The following RAB27B variants were observed in gnomAD, a reference collection of about 807,000 sequenced individuals.
RAB27B encodes the protein ras-related protein Rab-27B.
In RAB27B, 15 loss-of-function variants were observed where a neutral mutation model predicts 24.6. The ratio of observed to expected loss-of-function variants is 0.61; its 90% CI spans 0.41 to 0.94. RAB27B has a LOEUF of 0.94. Among genes scored for constraint, RAB27B ranks in the 40% least tolerant of loss-of-function variants. The probability of loss-of-function intolerance (pLI) is 0.00; values close to 1 mark genes in which losing one functional copy is unlikely to be tolerated. For synonymous variants in RAB27B, 105 were observed against 92.5 expected (o/e 1.14, Z -0.78); for missense variants, 261 against 266.8 (o/e 0.98, Z 0.15).
At chr18:54,774,451 G>A (rs1908653106) in intron 2 of RAB27B, among the ~76,000 whole-genome samples, 1 of 152,172 alleles carries the variant, frequency 6.6e-6, no homozygotes, top group South Asian at 2.1e-4. Flanking sequence ...AGGTTACATG[G>A]TTTTCAGGGT....
At position 54,780,325 on chromosome 18, in the gene RAB27B, C is replaced by CA. The variant is rs1568063071; in HGVS notation, c.-20+62184_-20+62185insA. On this transcript the variant is annotated intron_variant, in intron 2 of 4. Coordinates refer to the RAB27B transcript ENST00000586570. The stretch of plus-strand genomic sequence containing the variant: ...AGTGTCTCCCCCAACCTGAAGGCTT[C>CA]GCCTCACCGTGTCTCCCCTCTCCTG... 3.7e-4 allele frequency among the ~76,000 whole-genome samples: 4 copies of CA among 10,856 alleles called. 1 individual carries two copies. Among genetic ancestry groups the CA allele is most frequent in the African/African-American group, 9.2e-4 (3 of 3,258 alleles). The allele number at this position is 10,856 out of a possible 152,430, so 7.1% of individuals were successfully genotyped here. A position where few individuals can be genotyped will look rare whatever the true frequency, so the allele number is the denominator to read the frequency against.
intron 2 of RAB27B, 58 bp downstream of exon 2, chr18:54,877,796 T>C (rs1912767507): frequency 1.3e-6 from 2 of 1,483,660 alleles, no homozygotes; most frequent in South Asian, 1.4e-5. Flanking sequence ...AAAATAAGAA[T>C]CAAGAAGCTA....
chr18:54,767,383 A>G (rs574228912), intron 2 of RAB27B, among the ~76,000 whole-genome samples: 2 of 151,312 alleles, frequency 1.3e-5, no homozygotes, highest in South Asian at 4.2e-4. Context: ...TAAAGGTCAT[A>G]GTATAGTTAT....
intron 2 of RAB27B, among the ~76,000 whole-genome samples, chr18:54,752,214 A>T (rs188799773): frequency 2.6e-5 from 4 of 152,148 alleles, no homozygotes. Context: ...ATAATTTTCT[A>T]TATATGGGCA....
chr18:54,846,448 A>G (rs1417234952), intron 1 of RAB27B, among the ~76,000 whole-genome samples: 1 of 152,242 alleles, frequency 6.6e-6, no homozygotes, highest in Non-Finnish European at 1.5e-5. Flanking sequence ...AATGAACTCT[A>G]TTTATCTCCT....
intron 2 of RAB27B, among the ~76,000 whole-genome samples, chr18:54,752,041 C>G (rs1212993158): frequency 2.0e-5 from 3 of 152,098 alleles, no homozygotes; most frequent in African/African-American, 7.2e-5. Context: ...TAGTTCTTCC[C>G]GTCACAGAAG....
intron 2 of RAB27B, among the ~76,000 whole-genome samples, chr18:54,782,184 C>A (rs2145093815): frequency 6.6e-6 from 1 of 152,318 alleles, no homozygotes. Context: ...ATATCCTGCA[C>A]AATGTGCAGT....
At chr18:54,790,029 C>T (rs1464886103) in intron 2 of RAB27B, among the ~76,000 whole-genome samples, 3 of 151,996 alleles carry the variant, frequency 2.0e-5, no homozygotes, top group Non-Finnish European at 4.4e-5. Context: ...TTAGTCACAG[C>T]TTAACATGAG....
intron 2 of RAB27B, among the ~76,000 whole-genome samples, chr18:54,784,777 T>C (rs1254442015): frequency 6.6e-6 from 1 of 152,236 alleles, no homozygotes; most frequent in Non-Finnish European, 1.5e-5. Context: ...AGTGAACATA[T>C]GAATGCAGGT....
intron 2 of RAB27B, among the ~76,000 whole-genome samples, chr18:54,756,809 C>T (rs769581257): frequency 6.6e-6 from 1 of 152,138 alleles, no homozygotes; most frequent in Non-Finnish European, 1.5e-5. Flanking sequence ...TGAGAAACTT[C>T]ATTTGACTTA....
At chr18:54,793,675 A>T (rs765274675) in intron 2 of RAB27B, among the ~76,000 whole-genome samples, 3 of 152,210 alleles carry the variant, frequency 2.0e-5, no homozygotes, top group Non-Finnish European at 4.4e-5. Flanking sequence ...CTCGTGTTGC[A>T]TGTTGGGCTG....
chr18:54,855,066 G>T (rs1029998959), intron 1 of RAB27B, among the ~76,000 whole-genome samples: 1 of 152,106 alleles, frequency 6.6e-6, no homozygotes, highest in Non-Finnish European at 1.5e-5. Context: ...CCCGCAACTG[G>T]ACTGTCCCAT....
intron 2 of RAB27B, among the ~76,000 whole-genome samples, chr18:54,810,869 TAAATA>T (rs1909940873): frequency 1.4e-5 from 2 of 147,864 alleles, no homozygotes; most frequent in Admixed American, 1.4e-4. Context: ...AATAAATAAA[TAAATA>T]AATAAATAAG....
rs907417217 is a variant in RAB27B at position 54,893,896 on chromosome 18, G to GT, written c.*4484dup. 6.6e-6 allele frequency: 1 copy of GT among 151,884 alleles called. No homozygotes were observed. The highest frequency in any genetic ancestry group is 6.6e-5 in the Admixed American group (1 of 15,208). 9.4% of individuals were successfully genotyped at this position (151,884 alleles called of 1,614,324 possible). A position where few individuals can be genotyped will look rare whatever the true frequency, so the allele number is the denominator to read the frequency against. ...TTGAGTCCGAATAAAGAAAGACCTA[G>GT]TAACAGATAGTTTTTTTTTGTTCAT... On this transcript the variant is annotated 3_prime_UTR_variant, in exon 6 of 6. Transcript: ENST00000262094.
intron 1 of RAB27B, among the ~76,000 whole-genome samples, chr18:54,868,368 G>C (rs1912325765): frequency 6.6e-6 from 1 of 152,058 alleles, no homozygotes; most frequent in African/African-American, 2.4e-5. Flanking sequence ...TCTTCCTGAG[G>C]CCTCCCCAGA....
At chr18:54,775,550 T>C (rs1017790142) in intron 2 of RAB27B, among the ~76,000 whole-genome samples, 11 of 152,204 alleles carry the variant, frequency 7.2e-5, no homozygotes, top group Non-Finnish European at 1.5e-4. Flanking sequence ...ATGCCACTAA[T>C]GTATATGTAC....
chr18:54,887,333 G>A (rs1051062998), intron 4 of RAB27B, among the ~76,000 whole-genome samples: 3 of 151,712 alleles, frequency 2.0e-5, no homozygotes, highest in Admixed American at 1.3e-4. Context: ...AAGCAGTTAT[G>A]GCCATCTCAG....
intron 2 of RAB27B, among the ~76,000 whole-genome samples, chr18:54,756,778 G>A (rs1433383823): frequency 4.6e-5 from 7 of 152,134 alleles, no homozygotes; most frequent in African/African-American, 1.7e-4. Context: ...ACAGATACAG[G>A]AATACATTAC....
rs12967389 is a variant in RAB27B at position 54,849,581 on chromosome 18, C to T, written c.-20+20881C>T. ...CTAAAAAATATAAAAATTAGCCAGA[C>T]GTGGTGGCATGCTTCTGTAATTCCA... On this transcript the variant is annotated intron_variant, in intron 1 of 5. Coordinates refer to ENST00000262094, the MANE Select transcript of RAB27B (RefSeq NM_004163.4). 9.2e-3 allele frequency among the ~76,000 whole-genome samples: 1,400 copies of T among 152,144 alleles called. 11 individuals carry two copies. Among genetic ancestry groups the T allele is most frequent in the Non-Finnish European group, 0.014 (934 of 67,994 alleles).
Sources: allele counts gnomAD v4.1 joint callset (sites outside exome capture counted in the v4.1 genomes callset), GRCh38; gene constraint gnomAD v4.1.1; transcripts MANE v1.5; gene names NCBI Gene and HGNC (gene_info 2026-07-23, HGNC 2026-07-21).